SLC23A2: variants seen among roughly 807,000 people sequenced by gnomAD.
SLC23A2 encodes solute carrier family 23 member 2.
A neutral mutation model predicts 73.3 loss-of-function variants in SLC23A2; 36 were observed. The ratio of observed to expected loss-of-function variants is 0.49; its 90% CI spans 0.38 to 0.65. The LOEUF (loss-of-function observed/expected upper bound fraction) is 0.65, where lower values mean the gene tolerates loss of function less well. Ranked by LOEUF, SLC23A2 falls within the 30% of genes least tolerant of loss-of-function variation. The pLI is 0.00. For missense variants in SLC23A2, 507 were observed against 841.6 expected, an observed-to-expected ratio of 0.60 and a Z score of 4.92; for synonymous variants, 343 against 327.3, an observed-to-expected ratio of 1.05 and a Z score of -0.52.
chr20:4,970,580 T>A (rs1027846292), intron 2 of SLC23A2, among the ~76,000 whole-genome samples: 5 of 151,528 alleles, frequency 3.3e-5, no homozygotes, highest in African/African-American at 7.3e-5. Flanking sequence ...GAAAAAAAAA[T>A]TTAAAAATTA....
upstream of SLC23A2, among the ~76,000 whole-genome samples, chr20:5,003,280 A>T (rs1174216943): frequency 6.6e-6 from 1 of 152,066 alleles, no homozygotes; most frequent in Non-Finnish European, 1.5e-5. Flanking sequence ...GCTACTCGGG[A>T]GGCTGAGGCA....
rs140651604 is a variant in SLC23A2 at position 4,899,686 on chromosome 20, C to T, written c.351G>A (p.Thr117=). 41 of 1,613,986 alleles carry T rather than the reference C, an allele frequency of 2.5e-5. No individual in the cohort carries two copies. The African/African-American group carries it at 3.1e-4, about 12-fold the overall frequency. ...LQHYLTCFSG[T]IAVPFLLADA... ...CGGCCAACAGGAAGGGCACTGCGATCGTGCCGCTGAAGCATGTCAGGTAGT... is the reference window on the plus strand; with the variant it reads ...CGGCCAACAGGAAGGGCACTGCGATTGTGCCGCTGAAGCATGTCAGGTAGT... Residue 117 remains threonine, a synonymous_variant, in exon 6 of 17, where the codon ACG becomes ACA. Coordinates refer to ENST00000338244, the MANE Select transcript of SLC23A2 (RefSeq NM_005116.6). The surrounding 1 kb of genome is among the most constrained non-coding windows in gnomAD (Gnocchi z 4.9).
At chr20:4,874,205 C>T in intron 10 of SLC23A2, 113 bp from the exon 11 acceptor site, 1 of 894,342 alleles carries the variant, frequency 1.1e-6, no homozygotes, top group Non-Finnish European at 1.7e-6. Flanking sequence ...ACAGTCAGTA[C>T]TTTGCAGACC....
chr20:4,910,905 G>C lies in SLC23A2; in HGVS notation c.207+1975C>G, dbSNP rs528785427. On this transcript the variant is annotated intron_variant, in intron 4 of 16. Transcript: ENST00000338244. Reference sequence around the variant, plus strand: ...AAAATGTTCACCCAAACAGGAAAATGAACATCTAGCATAAATGTGCTAGAG... The same window carrying C: ...AAAATGTTCACCCAAACAGGAAAATCAACATCTAGCATAAATGTGCTAGAG... Among the ~76,000 whole-genome samples, 9 of 152,302 alleles carry C rather than the reference G, an allele frequency of 5.9e-5. No individual in the cohort carries two copies. In the East Asian group the frequency reaches 1.7e-3, roughly 29 times the overall value.
chr20:5,007,648 A>G (rs2088205666), intron 1 of SLC23A2, among the ~76,000 whole-genome samples: 1 of 152,194 alleles, frequency 6.6e-6, no homozygotes, highest in South Asian at 2.1e-4. Context: ...CACTCCTAAA[A>G]GAAACTCCAT....
At chr20:4,987,597 T>G (rs1052677614) in intron 1 of SLC23A2, among the ~76,000 whole-genome samples, 2 of 152,058 alleles carry the variant, frequency 1.3e-5, no homozygotes, top group Non-Finnish European at 2.9e-5. Flanking sequence ...GCCTATAATC[T>G]CAGCACTTTG....
In SLC23A2 at chr20:4,932,693, C is replaced by A; in HGVS notation, c.-131G>T. 2 of 634,604 alleles carry A rather than the reference C, an allele frequency of 3.2e-6. No individual in the cohort carries two copies. Among genetic ancestry groups the A allele is most frequent in the East Asian group, 2.7e-5 (1 of 36,966 alleles). The allele number at this position is 634,604 out of a possible 1,614,324, so 39.3% of individuals were successfully genotyped here. On this transcript the variant is annotated 5_prime_UTR_variant, in exon 3 of 17. Coordinates refer to ENST00000338244, the MANE Select transcript of SLC23A2 (RefSeq NM_005116.6). Reference sequence around the variant, plus strand: ...CCCCGATTCTCAAGCAGAGATGAGGCCTGCAAACGGCATCTCTTAGCACCT... The same window carrying A: ...CCCCGATTCTCAAGCAGAGATGAGGACTGCAAACGGCATCTCTTAGCACCT...
At chr20:4,895,284 G>T (rs538746237) in intron 6 of SLC23A2, among the ~76,000 whole-genome samples, 1 of 152,312 alleles carries the variant, frequency 6.6e-6, no homozygotes, top group South Asian at 2.1e-4. Context: ...CCTTCCGGCA[G>T]TGCTGCTGGG....
chr20:4,995,749 T>C (rs1246367139), intron 1 of SLC23A2, among the ~76,000 whole-genome samples: 1 of 152,116 alleles, frequency 6.6e-6, no homozygotes. Context: ...GCTAAGACCC[T>C]AGGCAAGAAG....
At chr20:5,004,647 C>A (rs2088169739), upstream of SLC23A2, among the ~76,000 whole-genome samples, 1 of 152,058 alleles carries the variant, frequency 6.6e-6, no homozygotes, top group South Asian at 2.1e-4. Context: ...GAGTTTGAGA[C>A]CACACTAGGC....
chr20:4,896,336 G>T (rs969610836), intron 6 of SLC23A2, among the ~76,000 whole-genome samples: 1 of 152,146 alleles, frequency 6.6e-6, no homozygotes, highest in Admixed American at 6.5e-5. Flanking sequence ...AGCCCCCACC[G>T]GAGCCCCAGC....
intron 3 of SLC23A2, among the ~76,000 whole-genome samples, chr20:4,928,204 T>A (rs578049778): frequency 6.6e-6 from 1 of 152,248 alleles, no homozygotes; most frequent in South Asian, 2.1e-4. Flanking sequence ...CACGTCCAGC[T>A]AATTTTTAAA....
intron 9 of SLC23A2, among the ~76,000 whole-genome samples, chr20:4,879,831 C>T (rs1266771328): frequency 6.6e-6 from 1 of 152,228 alleles, no homozygotes; most frequent in African/African-American, 2.4e-5. Context: ...TCCCAAACAA[C>T]ATTCTAAGGA....
At chr20:4,917,514 G>C (rs1488786097) in intron 3 of SLC23A2, among the ~76,000 whole-genome samples, 3 of 152,140 alleles carry the variant, frequency 2.0e-5, no homozygotes, top group Non-Finnish European at 2.9e-5. Context: ...CAAAGAGACT[G>C]GCAGGAGGTA....
At chr20:4,975,690 T>C (rs968948234) in intron 1 of SLC23A2, among the ~76,000 whole-genome samples, 1 of 151,752 alleles carries the variant, frequency 6.6e-6, no homozygotes. Flanking sequence ...CTGTTTTTTT[T>C]TTTTTAATTT....
At chr20:4,938,434 G>T (rs983197636) in intron 2 of SLC23A2, among the ~76,000 whole-genome samples, 1 of 151,434 alleles carries the variant, frequency 6.6e-6, no homozygotes. Context: ...CACCTCCCAG[G>T]TTCAAGCAAT....
At chr20:4,875,665 C>T (rs967068458) in intron 9 of SLC23A2, among the ~76,000 whole-genome samples, 3 of 152,186 alleles carry the variant, frequency 2.0e-5, no homozygotes, top group African/African-American at 4.8e-5. Context: ...TCCATGACAT[C>T]GGTCTGGTGT....
At chr20:4,941,500 C>T (rs1266093478) in intron 2 of SLC23A2, among the ~76,000 whole-genome samples, 3 of 151,964 alleles carry the variant, frequency 2.0e-5, no homozygotes, top group East Asian at 1.9e-4. Flanking sequence ...GTCAGGAGTT[C>T]GAAACCAGCC....
intron 1 of SLC23A2, among the ~76,000 whole-genome samples, chr20:4,981,342 A>T (rs759929531): frequency 4.6e-5 from 7 of 152,228 alleles, no homozygotes; most frequent in Non-Finnish European, 7.3e-5. Flanking sequence ...AGTTAGCAAT[A>T]CGCACATTTC....
Sources: gnomAD v4.1 joint callset for allele counts (sites outside exome capture counted in the v4.1 genomes callset) on GRCh38, gnomAD v4.1.1 for gene constraint, Gnocchi (gnomAD v3.1) non-coding constraint, MANE v1.5 for transcripts, NCBI Gene and HGNC (gene_info 2026-07-23, HGNC 2026-07-21) for gene names.